Variants in CARMIL1 observed in about 807,000 individuals in gnomAD.
CARMIL1 encodes F-actin-uncapping protein LRRC16A.
In CARMIL1, 90 loss-of-function variants were observed where a neutral mutation model predicts 177.1. The observed-to-expected ratio is 0.51, with a 90% CI of 0.43 to 0.61. CARMIL1 has a LOEUF of 0.61. Among genes scored for constraint, CARMIL1 ranks in the 20% least tolerant of loss-of-function variants. CARMIL1 has a pLI of 0.00. For synonymous variants in CARMIL1, 577 were observed against 606.2 expected, an observed-to-expected ratio of 0.95 and a Z score of 0.71; for missense variants, 1,380 against 1,667.0, an observed-to-expected ratio of 0.83 and a Z score of 3.00.
chr6:25,508,366 T>C (rs1805127170), intron 17 of CARMIL1, among the ~76,000 whole-genome samples: 1 of 152,180 alleles, frequency 6.6e-6, no homozygotes, highest in Admixed American at 6.5e-5. Flanking sequence ...TGTAATACTC[T>C]ACTTCAGAGC....
chr6:25,529,860 T>A (rs1228331058), intron 24 of CARMIL1, among the ~76,000 whole-genome samples: 2 of 150,970 alleles, frequency 1.3e-5, no homozygotes, highest in African/African-American at 4.9e-5. Context: ...GATACTGTAG[T>A]ACAGAATTAA....
chr6:25,287,943 T>C (rs1055698242), intron 2 of CARMIL1, among the ~76,000 whole-genome samples: 3 of 152,326 alleles, frequency 2.0e-5, no homozygotes, highest in Non-Finnish European at 4.4e-5. Flanking sequence ...CCCAGGCACA[T>C]GGTGTATACA....
chr6:25,281,125 TGTGCGCGC>T (rs1315737667), intron 1 of CARMIL1, among the ~76,000 whole-genome samples: 2 of 35,876 alleles, frequency 5.6e-5, no homozygotes, highest in African/African-American at 7.5e-5. Flanking sequence ...CGCACGCGCG[TGTGCGCGC>T]GCGCACACAC....
chr6:25,397,793 C>T (rs1204806526), intron 2 of CARMIL1, among the ~76,000 whole-genome samples: 2 of 152,058 alleles, frequency 1.3e-5, no homozygotes, highest in Non-Finnish European at 2.9e-5. Context: ...CATCACTCAG[C>T]TTAATTTTCT....
chr6:25,411,873 C>T lies in CARMIL1; in HGVS notation c.139-8241C>T, dbSNP rs138869768. ...TTAATTCCTCTCAGCAAATATTTACCGGGGGCTTGTCATTCCTAGAAGTCC... is the reference window on the plus strand; with the variant it reads ...TTAATTCCTCTCAGCAAATATTTACTGGGGGCTTGTCATTCCTAGAAGTCC... On this transcript the variant is annotated intron_variant, in intron 2 of 36. Transcript: ENST00000329474. Among the ~76,000 whole-genome samples, 604 of 152,232 alleles carry T rather than the reference C, an allele frequency of 4.0e-3. 1 individual carries two copies. Among genetic ancestry groups the T allele is most frequent in the Middle Eastern group, 0.01 (3 of 294 alleles).
chr6:25,350,680 T>C (rs1166979747), intron 2 of CARMIL1: 1 of 152,242 alleles, frequency 6.6e-6, no homozygotes, highest in Non-Finnish European at 1.5e-5. Flanking sequence ...TTTAAAGTTC[T>C]TGAGGAGAGA....
chr6:25,391,277 C>T (rs1792793504), intron 2 of CARMIL1, among the ~76,000 whole-genome samples: 1 of 152,136 alleles, frequency 6.6e-6, no homozygotes, highest in South Asian at 2.1e-4. Context: ...TTTTTCTATA[C>T]ATGTCATCTT....
intron 4 of CARMIL1, among the ~76,000 whole-genome samples, chr6:25,434,170 G>A (rs957716531): frequency 1.3e-5 from 2 of 152,054 alleles, no homozygotes; most frequent in African/African-American, 2.4e-5. Flanking sequence ...CTGAGTTTAC[G>A]GGGTTATAGG....
At chr6:25,329,951 G>A (rs1354251021) in intron 2 of CARMIL1, among the ~76,000 whole-genome samples, 1 of 152,212 alleles carries the variant, frequency 6.6e-6, no homozygotes, top group African/African-American at 2.4e-5. Context: ...ATGAACTTGT[G>A]CAAAGCACTT....
At chr6:25,368,405 A>C (rs1434680046) in intron 2 of CARMIL1, among the ~76,000 whole-genome samples, 1 of 152,234 alleles carries the variant, frequency 6.6e-6, no homozygotes, top group Non-Finnish European at 1.5e-5. Flanking sequence ...AGGTTGTGAC[A>C]GAATTATAAA....
chr6:25,341,291 A>G (rs1278183696), intron 2 of CARMIL1, among the ~76,000 whole-genome samples: 1 of 152,236 alleles, frequency 6.6e-6, no homozygotes, highest in African/African-American at 2.4e-5. Context: ...GAGACAATAA[A>G]AAAAAGTAGT....
chr6:25,423,215 CTTTT>C (rs950144938), intron 3 of CARMIL1, among the ~76,000 whole-genome samples: 85 of 152,160 alleles, frequency 5.6e-4, no homozygotes, highest in African/African-American at 1.9e-3. Flanking sequence ...AAACATCTTT[CTTTT>C]GTCATTTTAT....
At chr6:25,591,474 C>G (rs1814297315) in intron 31 of CARMIL1, among the ~76,000 whole-genome samples, 1 of 152,216 alleles carries the variant, frequency 6.6e-6, no homozygotes, top group South Asian at 2.1e-4. Context: ...TTTGCTCCCT[C>G]CTTTTCCAAC....
chr6:25,368,203 ATTAG>A (rs1454162480), intron 2 of CARMIL1, among the ~76,000 whole-genome samples: 1 of 152,226 alleles, frequency 6.6e-6, no homozygotes, highest in Non-Finnish European at 1.5e-5. Context: ...CCTTCTCTTT[ATTAG>A]TTAAAGGTAT....
chr6:25,324,431 C>A (rs997891772), intron 2 of CARMIL1, among the ~76,000 whole-genome samples: 1 of 151,556 alleles, frequency 6.6e-6, no homozygotes, highest in Admixed American at 6.6e-5. Context: ...ATATTAAACA[C>A]CCTGATCAGA....
intron 2 of CARMIL1, among the ~76,000 whole-genome samples, chr6:25,362,826 G>A (rs1051340921): frequency 4.6e-5 from 7 of 152,016 alleles, no homozygotes; most frequent in African/African-American, 1.7e-4. Flanking sequence ...CCTGAGGTCA[G>A]GAGTTTGAAA....
chr6:25,596,576 G>C (rs938028068), intron 32 of CARMIL1, among the ~76,000 whole-genome samples: 3 of 151,988 alleles, frequency 2.0e-5, no homozygotes, highest in African/African-American at 7.3e-5. Context: ...TTTTTAGATA[G>C]TACTGTAACC....
intron 2 of CARMIL1, among the ~76,000 whole-genome samples, chr6:25,407,009 A>G (rs1479184983): frequency 6.6e-6 from 1 of 152,144 alleles, no homozygotes; most frequent in Non-Finnish European, 1.5e-5. Context: ...ATCAAGCATG[A>G]AGGGCCATGC....
At chr6:25,503,156 T>G (rs984341139) in intron 17 of CARMIL1, among the ~76,000 whole-genome samples, 4 of 152,236 alleles carry the variant, frequency 2.6e-5, no homozygotes, top group African/African-American at 9.6e-5. Flanking sequence ...ACAGTATTAT[T>G]GTGATAATTC....
Sources: gnomAD v4.1 joint callset for allele counts (sites outside exome capture counted in the v4.1 genomes callset) on GRCh38, gnomAD v4.1.1 for gene constraint, MANE v1.5 for transcripts, NCBI Gene and HGNC (gene_info 2026-07-23, HGNC 2026-07-21) for gene names.